NELFA: variants seen among roughly 807,000 people sequenced by gnomAD.
NELFA encodes negative elongation factor complex member A.
NELFA carries 35 observed loss-of-function variants against 51.8 expected under a neutral mutation model. The observed-to-expected ratio is 0.68, with a 90% CI of 0.52 to 0.90. NELFA has a LOEUF of 0.90. Among genes scored for constraint, NELFA ranks in the 40% least tolerant of loss-of-function variants. NELFA has a pLI of 0.00. For synonymous variants in NELFA, 417 were observed against 338.4 expected, an observed-to-expected ratio of 1.23 and a Z score of -2.55; for missense variants, 658 against 746.4, an observed-to-expected ratio of 0.88 and a Z score of 1.38.
rs1460597482 is a variant in NELFA at position 1,986,395 on chromosome 4, G to T, written c.642C>A (p.Leu214=). The change falls in exon 5 of 11, where the codon CTC becomes CTA. Residue 214 remains leucine (L), a synonymous_variant. Coordinates refer to ENST00000382882, the MANE Select transcript of NELFA (RefSeq NM_005663.5). Reference sequence around the variant, plus strand: ...AGGGCGCCTGCTTCGGGATGCCTTTGAGTGGGGCTGGAGGACGGCAACAGT... The same window carrying T: ...AGGGCGCCTGCTTCGGGATGCCTTTTAGTGGGGCTGGAGGACGGCAACAGT... ...LLRKMDTTTP[L]KGIPKQAPFR... 9 of 1,612,330 alleles carry T rather than the reference G, an allele frequency of 5.6e-6. No individual in the cohort carries two copies. The Admixed American group carries it at 1.3e-4, about 24-fold the overall frequency.
At chr4:2,007,132 A>C (rs1395456673) in intron 1 of NELFA, 1 of 435,988 alleles carries the variant, frequency 2.3e-6, no homozygotes, top group Admixed American at 2.4e-5. Flanking sequence ...ATCTGAGGTG[A>C]GGAGGTCAAG....
intron 1 of NELFA, among the ~76,000 whole-genome samples, chr4:2,000,357 T>C (rs1170792881): frequency 6.6e-6 from 1 of 151,990 alleles, no homozygotes; most frequent in Non-Finnish European, 1.5e-5. Context: ...ATCCAGGAGC[T>C]GGTTTTGTGA....
At chr4:1,988,101 C>A (rs954593253) in intron 3 of NELFA, 94 bp from the exon 4 acceptor site, 2 of 1,102,142 alleles carry the variant, frequency 1.8e-6, no homozygotes, top group South Asian at 2.9e-5. Flanking sequence ...CATCCGACGG[C>A]CTGAGCCGTG....
At position 1,986,555 on chromosome 4, in the gene NELFA, G is replaced by A. The variant is rs1294316552; in HGVS notation, c.635-153C>T. 1.4e-5 allele frequency: 18 copies of A among 1,246,480 alleles called. No individual in the cohort carries two copies. The Admixed American group carries it at 3.4e-4, about 23-fold the overall frequency. The allele number at this position is 1,246,480 out of a possible 1,614,324, so 77.2% of individuals were successfully genotyped here. Reference sequence around the variant, plus strand: ...AGCGGGCAGGACCCCCAGGATCCCGGACCTCAAGGAGCAGGGGAACGCCTG... The same window carrying A: ...AGCGGGCAGGACCCCCAGGATCCCGAACCTCAAGGAGCAGGGGAACGCCTG... On this transcript the variant is annotated intron_variant, in intron 4 of 10. Transcript: ENST00000382882.
Position 1,983,931 on chromosome 4 carries a change from T to A in NELFA, c.1219A>T (p.Thr407Ser). The change falls in exon 9 of 11, where the codon ACT (threonine) becomes TCT (serine). Residue 407 changes from threonine (T) to serine (S), a missense_variant. By Grantham distance (58) the Thr-to-Ser change is moderately conservative. Transcript: ENST00000382882. ...ACCATGGCAACCGGGGGTGTCTGAG[T>A]GGTAGGGGCGACAGCCGGAGGTGTG... ...PTTPPAVAPTTQTPPVAMVAP... is the reference protein window; with the variant it reads ...PTTPPAVAPTSQTPPVAMVAP... 1 of 1,609,452 alleles carries A rather than the reference T, an allele frequency of 6.2e-7. No homozygotes were observed. Among genetic ancestry groups the A allele is most frequent in the East Asian group, 2.2e-5 (1 of 44,830 alleles).
At chr4:1,984,195 C>G (rs1728010248) in intron 8 of NELFA, 82 bp from the exon 9 acceptor site, 2 of 1,407,124 alleles carry the variant, frequency 1.4e-6, no homozygotes, top group African/African-American at 2.9e-5. Context: ...GTGACAGGCT[C>G]AGCTCCCCTT....
At position 1,986,557 on chromosome 4, in the gene NELFA, C is replaced by T. The variant is rs989717799; in HGVS notation, c.635-155G>A. ...CGGGCAGGACCCCCAGGATCCCGGA[C>T]CTCAAGGAGCAGGGGAACGCCTGGA... On this transcript the variant is annotated intron_variant, in intron 4 of 10. Transcript: ENST00000382882. 5.7e-6 allele frequency: 7 copies of T among 1,232,956 alleles called. No homozygotes were observed. The African/African-American group carries it at 1.1e-4, about 19-fold the overall frequency. 76.4% of individuals were successfully genotyped at this position (1,232,956 alleles called of 1,614,324 possible). A position where few individuals can be genotyped will look rare whatever the true frequency, so the allele number is the denominator to read the frequency against.
intron 1 of NELFA, among the ~76,000 whole-genome samples, chr4:1,993,780 C>A (rs1396964783): frequency 6.7e-6 from 1 of 148,260 alleles, no homozygotes; most frequent in Admixed American, 6.7e-5. Flanking sequence ...AAGGTGGGAA[C>A]GAGCTCCCCT....
At chr4:2,008,291 G>A (rs1728766548) in intron 1 of NELFA, among the ~76,000 whole-genome samples, 2 of 152,112 alleles carry the variant, frequency 1.3e-5, no homozygotes, top group African/African-American at 4.8e-5. Flanking sequence ...GGGGGAGGCG[G>A]GGGCGGGTGG....
intron 1 of NELFA, among the ~76,000 whole-genome samples, chr4:2,004,632 C>T (rs1460190073): frequency 6.6e-6 from 1 of 150,996 alleles, no homozygotes; most frequent in Non-Finnish European, 1.5e-5. Context: ...GGACCACAGC[C>T]ATGTGCCGCC....
chr4:1,983,973 A>G lies in NELFA; in HGVS notation c.1177T>C (p.Ser393Pro), dbSNP rs1271295191. ...GGAGGTGTGGTGGGTGTCAGAGGCG[A>G]GGTGGGCGCCGCAGGCGTGGGTGTG... The part of the protein sequence containing the change: ...PATPTPAAPT[S>P]PLTPTTPPAV... The change falls in exon 9 of 11, where the codon TCG becomes CCG. Residue 393 changes from serine (S) to proline (P), a missense_variant. By Grantham distance (74) the Ser-to-Pro change is moderately conservative (BLOSUM62 -1). Around this residue, in one of 3 missense-constraint regions of NELFA, gnomAD observed 200 missense variants for 167.9 expected, o/e 1.19. Coordinates refer to ENST00000382882, the MANE Select transcript of NELFA (RefSeq NM_005663.5). The G allele has an allele frequency of 1.2e-6, 2 of 1,608,262 alleles. No individual in the cohort carries two copies. Among genetic ancestry groups the G allele is most frequent in the African/African-American group, 2.7e-5 (2 of 74,138 alleles).
chr4:1,992,160 CG>C, intron 1 of NELFA: 1 of 212,604 alleles, frequency 4.7e-6, no homozygotes, highest in Non-Finnish European at 9.6e-6. Flanking sequence ...TCACCTGCCG[CG>C]GGGGTGTGTG....
chr4:2,003,988 TA>T (rs1416043741), intron 1 of NELFA: 5 of 151,814 alleles, frequency 3.3e-5, no homozygotes, highest in African/African-American at 9.7e-5. Context: ...CCGTCTCCAC[TA>T]AAAATACAAA....
Position 1,987,911 on chromosome 4 carries a change from G to C in NELFA, c.634+7C>G. ...CAAGGCTCACGGCACCAGGGTGGGG[G>C]CCTTACTGGTGGTGTCCATCTTCCG... On this transcript the variant is annotated splice_region_variant and intron_variant, in intron 4 of 10. Coordinates refer to ENST00000382882, the MANE Select transcript of NELFA (RefSeq NM_005663.5). 6.3e-7 allele frequency: 1 copy of C among 1,599,518 alleles called. No homozygotes were observed. The highest frequency in any genetic ancestry group is 1.3e-5 in the African/African-American group (1 of 74,978).
chr4:1,983,748 G>A (rs960739266), intron 9 of NELFA, 53 bp from the exon 10 acceptor site: 3 of 1,606,398 alleles, frequency 1.9e-6, no homozygotes, highest in African/African-American at 2.7e-5. Flanking sequence ...ACCACCTCCT[G>A]CATCCCCCTG....
intron 1 of NELFA, among the ~76,000 whole-genome samples, chr4:1,997,415 C>T (rs1209095346): frequency 6.6e-6 from 1 of 152,184 alleles, no homozygotes; most frequent in African/African-American, 2.4e-5. Flanking sequence ...TACAAAACAT[C>T]AGGATGATAT....
intron 4 of NELFA, among the ~76,000 whole-genome samples, chr4:1,986,770 T>TC (rs200399713): frequency 2.5e-4 from 1 of 3,926 alleles, no homozygotes; most frequent in African/African-American, 4.0e-4. Flanking sequence ...CCAAGCCTTC[T>TC]CCCCGTCCCC....
intron 7 of NELFA, 113 bp from the exon 8 acceptor site, chr4:1,985,032 G>A: frequency 1.3e-6 from 1 of 747,996 alleles, no homozygotes; most frequent in African/African-American, 1.8e-5. Context: ...CCGAGCTAGA[G>A]CAGGAAGGCG....
Position 2,008,964 on chromosome 4 carries a change from G to A in NELFA, c.-5C>T. 2 of 1,554,582 alleles carry A rather than the reference G, an allele frequency of 1.3e-6. No individual in the cohort carries two copies. Among genetic ancestry groups the A allele is most frequent in the Non-Finnish European group, 1.7e-6 (2 of 1,148,780 alleles). On this transcript the variant is annotated 5_prime_UTR_variant, in exon 1 of 11. Transcript: ENST00000382882. Reference sequence around the variant, plus strand: ...GCTCTCCCGCATGGACGCCATCTTGGGGGAAAGCGCGCGCCGCTGCCCCGG... The same window carrying A: ...GCTCTCCCGCATGGACGCCATCTTGAGGGAAAGCGCGCGCCGCTGCCCCGG...
Sources: allele counts gnomAD v4.1 joint callset (sites outside exome capture counted in the v4.1 genomes callset), GRCh38; gene constraint gnomAD v4.1.1; regional missense constraint gnomAD v4.1.1; transcripts MANE v1.5; gene names NCBI Gene and HGNC (gene_info 2026-07-23, HGNC 2026-07-21).